ARL15: variants seen among roughly 807,000 people sequenced by gnomAD.
The protein encoded by ARL15 is ARF like GTPase 15.
ARL15 carries 19 observed loss-of-function variants against 25.2 expected under a neutral mutation model. The observed-to-expected ratio is 0.75, with a 90% confidence interval of 0.53 to 1.10. The LOEUF (loss-of-function observed/expected upper bound fraction) is 1.10, where lower values mean the gene tolerates loss of function less well. Ranked by LOEUF, ARL15 falls within the 50% of genes least tolerant of loss-of-function variation. The pLI is 0.00. For synonymous variants in ARL15, 94 were observed against 86.8 expected (o/e 1.08, Z -0.46); for missense variants, 220 against 246.0 (o/e 0.89, Z 0.71).
chr5:54,116,223 C>T (rs1032278888), intron 3 of ARL15, among the ~76,000 whole-genome samples: 1 of 152,142 alleles, frequency 6.6e-6, no homozygotes, highest in African/African-American at 2.4e-5. Context: ...CAATTACTGT[C>T]AGCCAAGGGC....
At chr5:54,257,590 C>T (rs1214435172) in intron 1 of ARL15, among the ~76,000 whole-genome samples, 1 of 152,138 alleles carries the variant, frequency 6.6e-6, no homozygotes, top group Non-Finnish European at 1.5e-5. Flanking sequence ...AATGTGGAGC[C>T]AATTTCAACA....
intron 4 of ARL15, among the ~76,000 whole-genome samples, chr5:53,965,294 G>C (rs1473180246): frequency 2.0e-5 from 3 of 152,126 alleles, no homozygotes; most frequent in African/African-American, 7.2e-5. Context: ...ATTTATTCAT[G>C]GTATTTTGGT....
chr5:54,105,058 T>G (rs1752548419), intron 4 of ARL15, among the ~76,000 whole-genome samples: 1 of 151,104 alleles, frequency 6.6e-6, no homozygotes, highest in Non-Finnish European at 1.5e-5. Context: ...TGATAATAAT[T>G]ATCATAATTA....
intron 4 of ARL15, among the ~76,000 whole-genome samples, chr5:53,894,196 G>A (rs1744801720): frequency 2.0e-5 from 3 of 152,202 alleles, no homozygotes; most frequent in Non-Finnish European, 4.4e-5. Context: ...CTAAAGTTCA[G>A]TGCAGCCTAC....
intron 4 of ARL15, among the ~76,000 whole-genome samples, chr5:54,069,924 C>T (rs1751368002): frequency 6.6e-6 from 1 of 151,502 alleles, no homozygotes; most frequent in South Asian, 2.1e-4. Context: ...ATCCACCCAC[C>T]TCGGCCTCCC....
intron 4 of ARL15, among the ~76,000 whole-genome samples, chr5:54,044,524 C>T (rs372190087): frequency 6.6e-6 from 1 of 152,052 alleles, no homozygotes; most frequent in Non-Finnish European, 1.5e-5. Flanking sequence ...GGATTACAGG[C>T]GTGACCCACT....
intron 1 of ARL15, among the ~76,000 whole-genome samples, chr5:54,277,577 AC>A (rs1757957490): frequency 6.6e-6 from 1 of 152,038 alleles, no homozygotes; most frequent in Non-Finnish European, 1.5e-5. Flanking sequence ...TGGTGAAACC[AC>A]GTCTCTACTA....
intron 4 of ARL15, among the ~76,000 whole-genome samples, chr5:53,896,835 A>G (rs996133635): frequency 2.6e-5 from 4 of 152,146 alleles, no homozygotes; most frequent in Admixed American, 2.0e-4. Context: ...TTTTGGAGAT[A>G]CTCATTGACA....
At position 54,081,242 on chromosome 5, in the gene ARL15, C is replaced by T. The variant is rs142263410; in HGVS notation, c.462+31960G>A. 1.5e-3 allele frequency among the ~76,000 whole-genome samples: 226 copies of T among 152,184 alleles called. 1 individual carries two copies. Among genetic ancestry groups the T allele is most frequent in the African/African-American group, 5.2e-3 (217 of 41,526 alleles). On this transcript the variant is annotated intron_variant, in intron 4 of 4. Coordinates refer to ENST00000504924, the MANE Select transcript of ARL15 (RefSeq NM_019087.3). Reference sequence around the variant, plus strand: ...TCAAGTTATTGGTTATTGTGTGATGCCCATTTAGCCTTAGTTTGAAAACTT... The same window carrying T: ...TCAAGTTATTGGTTATTGTGTGATGTCCATTTAGCCTTAGTTTGAAAACTT...
rs184437099 is a variant in ARL15, at chr5:53,984,648, T to C, written c.463-97935A>G. Among the ~76,000 whole-genome samples the C allele has an allele frequency of 2.3e-4, 35 of 152,312 alleles. 1 individual carries two copies. Among genetic ancestry groups the C allele is most frequent in the Non-Finnish European group, 4.0e-4 (27 of 68,034 alleles). On this transcript the variant is annotated intron_variant, in intron 4 of 4. Coordinates refer to ENST00000504924, the MANE Select transcript of ARL15 (RefSeq NM_019087.3). ...TCAATGTATTACCTGGTAATAACTA[T>C]TATTTACCATAATAATTTCATTTCC...
intron 4 of ARL15, among the ~76,000 whole-genome samples, chr5:53,996,903 A>G (rs1307387581): frequency 6.6e-6 from 1 of 152,206 alleles, no homozygotes; most frequent in East Asian, 1.9e-4. Context: ...CACAGGCTCA[A>G]CATATCTAAA....
At chr5:54,122,525 T>C (rs1263087182) in intron 3 of ARL15, among the ~76,000 whole-genome samples, 1 of 152,240 alleles carries the variant, frequency 6.6e-6, no homozygotes, top group African/African-American at 2.4e-5. Flanking sequence ...ATAAAGCTAT[T>C]ATTACACTTT....
At chr5:54,273,847 AAC>A (rs1757853476) in intron 1 of ARL15, among the ~76,000 whole-genome samples, 1 of 152,150 alleles carries the variant, frequency 6.6e-6, no homozygotes, top group African/African-American at 2.4e-5. Context: ...GGGGGAGGGG[AAC>A]AGAGAGACTA....
At chr5:54,232,613 T>C (rs181788987) in intron 1 of ARL15, among the ~76,000 whole-genome samples, 2 of 151,842 alleles carry the variant, frequency 1.3e-5, no homozygotes, top group East Asian at 3.9e-4. Flanking sequence ...CAGGGCAGAG[T>C]GGGAAGGGCA....
chr5:54,158,701 C>T (rs1001161464), intron 2 of ARL15, among the ~76,000 whole-genome samples: 3 of 152,004 alleles, frequency 2.0e-5, no homozygotes, highest in Non-Finnish European at 2.9e-5. Flanking sequence ...GGTGAAACCC[C>T]GTCTCTACTA....
intron 1 of ARL15, among the ~76,000 whole-genome samples, chr5:54,279,469 C>A (rs150893267): frequency 6.6e-6 from 1 of 152,240 alleles, no homozygotes; most frequent in East Asian, 1.9e-4. Context: ...AGAGAGAAAG[C>A]AAGCCCTTCG....
intron 4 of ARL15, among the ~76,000 whole-genome samples, chr5:54,032,407 G>A (rs1034639762): frequency 9.2e-5 from 14 of 151,924 alleles, no homozygotes; most frequent in Non-Finnish European, 1.9e-4. Context: ...ACTAATTTTT[G>A]TATTTTTAGC....
intron 1 of ARL15, among the ~76,000 whole-genome samples, chr5:54,236,466 C>G (rs1354551894): frequency 6.6e-6 from 1 of 151,200 alleles, no homozygotes; most frequent in Non-Finnish European, 1.5e-5. Context: ...TATTACCAAA[C>G]TACAACCACT....
intron 4 of ARL15, among the ~76,000 whole-genome samples, chr5:54,101,926 T>C (rs1752449885): frequency 6.6e-6 from 1 of 152,210 alleles, no homozygotes; most frequent in African/African-American, 2.4e-5. Flanking sequence ...GGCTGTCTAT[T>C]TAAATAATTT....
Sources: allele counts gnomAD v4.1 joint callset (sites outside exome capture counted in the v4.1 genomes callset), GRCh38; gene constraint gnomAD v4.1.1; transcripts MANE v1.5; gene names NCBI Gene and HGNC (gene_info 2026-07-23, HGNC 2026-07-21).